The following RANBP2 variants were observed in gnomAD, a reference collection of about 807,000 sequenced individuals.
RANBP2 encodes RAN binding protein 2, also known as E3 SUMO-protein ligase RanBP2.
Under a neutral mutation model 303.6 loss-of-function variants are expected in RANBP2, and 57 were observed. The ratio of observed to expected loss-of-function variants is 0.19; its 90% CI spans 0.15 to 0.23. The LOEUF (loss-of-function observed/expected upper bound fraction) is 0.23. Ranked by LOEUF, RANBP2 falls within the 10% of genes least tolerant of loss-of-function variation. RANBP2 has a pLI of 1.00. For synonymous variants in RANBP2, 1,167 were observed against 1,301.5 expected, an observed-to-expected ratio of 0.90 and a Z score of 2.23; for missense variants, 3,138 against 3,780.8, an observed-to-expected ratio of 0.83 and a Z score of 4.46.
the RANBP2 span, among the ~76,000 whole-genome samples, chr2:109,148,908 C>T: frequency 1.3e-4 from 20 of 152,010 alleles, no homozygotes; most frequent in East Asian, 2.9e-3. Context: ...GGTGGTTTTA[C>T]CCAAAAAAAA....
the RANBP2 span, among the ~76,000 whole-genome samples, chr2:109,117,702 T>G: frequency 6.6e-6 from 1 of 152,146 alleles, no homozygotes. Context: ...CAGATGGAAA[T>G]GCAGAAATCA....
At chr2:108,858,077 C>T in the RANBP2 span, among the ~76,000 whole-genome samples, 1 of 152,206 alleles carries the variant, frequency 6.6e-6, no homozygotes, top group African/African-American at 2.4e-5. Context: ...GGTGCAGTGG[C>T]TCATGCCTGT....
the RANBP2 span, among the ~76,000 whole-genome samples, chr2:109,651,355 G>T: frequency 1.1e-4 from 17 of 152,148 alleles, no homozygotes; most frequent in Admixed American, 6.5e-4. Context: ...AGTTCAGAAA[G>T]TACAAGTATT....
At chr2:109,455,790 C>T in the RANBP2 span, among the ~76,000 whole-genome samples, 1 of 152,236 alleles carries the variant, frequency 6.6e-6, no homozygotes, top group Non-Finnish European at 1.5e-5. Flanking sequence ...CTCATCCCAG[C>T]TTCTCCAGGT....
At chr2:109,455,996 A>G in the RANBP2 span, among the ~76,000 whole-genome samples, 6 of 152,266 alleles carry the variant, frequency 3.9e-5, no homozygotes, top group African/African-American at 1.2e-4. Context: ...CTTAGGGGAG[A>G]CCTGCCCTGC....
At chr2:109,076,379 A>C in the RANBP2 span, among the ~76,000 whole-genome samples, 2 of 150,744 alleles carry the variant, frequency 1.3e-5, no homozygotes, top group Admixed American at 6.6e-5. Context: ...TGGTCTCACC[A>C]TGTCTATTCA....
At chr2:108,842,545 A>T in the RANBP2 span, among the ~76,000 whole-genome samples, 10,953 of 152,122 alleles carry the variant, frequency 0.072, 505 homozygotes, top group South Asian at 0.15. Context: ...AAGCAAGCAG[A>T]CATGAGTTCT....
At chr2:109,269,282 C>T in the RANBP2 span, among the ~76,000 whole-genome samples, 2 of 152,162 alleles carry the variant, frequency 1.3e-5, no homozygotes, top group East Asian at 3.9e-4. Flanking sequence ...AAGGGACTGC[C>T]ACCAAACAAG....
the RANBP2 span, among the ~76,000 whole-genome samples, chr2:108,962,547 C>A: frequency 6.6e-6 from 1 of 151,586 alleles, no homozygotes; most frequent in East Asian, 1.9e-4. Flanking sequence ...TGGTGGCGGG[C>A]GCCTGTAGTC....
chr2:108,796,574 A>G, the RANBP2 span, among the ~76,000 whole-genome samples: 3 of 152,210 alleles, frequency 2.0e-5, no homozygotes, highest in African/African-American at 7.2e-5. Flanking sequence ...ATATGGAGTC[A>G]GTCTCAGTGT....
At chr2:109,218,921 C>T in the RANBP2 span, among the ~76,000 whole-genome samples, 1 of 152,316 alleles carries the variant, frequency 6.6e-6, no homozygotes, top group East Asian at 1.9e-4. Context: ...GAGAGCCCTG[C>T]CTTCCCTGCA....
At chr2:109,071,723 C>T in the RANBP2 span, among the ~76,000 whole-genome samples, 2 of 150,814 alleles carry the variant, frequency 1.3e-5, no homozygotes, top group Non-Finnish European at 2.9e-5. Flanking sequence ...AGTTGGATAA[C>T]AGTCTTGAGT....
chr2:109,016,812 G>T, the RANBP2 span, among the ~76,000 whole-genome samples: 1 of 152,154 alleles, frequency 6.6e-6, no homozygotes, highest in Non-Finnish European at 1.5e-5. Context: ...GTTTTATTTG[G>T]CGTAATTGTG....
At chr2:109,754,825 T>A in the RANBP2 span, among the ~76,000 whole-genome samples, 1 of 4,146 alleles carries the variant, frequency 2.4e-4, no homozygotes, top group East Asian at 6.2e-3. Context: ...GACTTTAGGA[T>A]TAGTATTGCC....
At chr2:108,796,822 G>A in the RANBP2 span, among the ~76,000 whole-genome samples, 2 of 152,092 alleles carry the variant, frequency 1.3e-5, no homozygotes, top group African/African-American at 4.8e-5. Context: ...AGGCTGGGAG[G>A]GGAAGGGTAG....
At chr2:109,586,225 G>C in the RANBP2 span, among the ~76,000 whole-genome samples, 3 of 152,126 alleles carry the variant, frequency 2.0e-5, no homozygotes, top group African/African-American at 7.2e-5. Flanking sequence ...CAAAACAAAA[G>C]TACAGATACA....
chr2:109,389,563 A>G, the RANBP2 span, among the ~76,000 whole-genome samples: 1 of 152,196 alleles, frequency 6.6e-6, no homozygotes, highest in Non-Finnish European at 1.5e-5. Context: ...TTTGAAAACC[A>G]CTGCTCTAAG....
the RANBP2 span, chr2:109,503,707 T>A: frequency 6.6e-6 from 1 of 152,150 alleles, no homozygotes; most frequent in Non-Finnish European, 1.5e-5. Flanking sequence ...CCAGACCAAG[T>A]CAAGTCTCCA....
At chr2:108,733,613 C>A (rs1695348898) in intron 4 of RANBP2, among the ~76,000 whole-genome samples, 1 of 152,146 alleles carries the variant, frequency 6.6e-6, no homozygotes, top group Non-Finnish European at 1.5e-5. Flanking sequence ...AAATATTAAT[C>A]TAAAACGTGA....
Sources: gnomAD v4.1 joint callset for allele counts (sites outside exome capture counted in the v4.1 genomes callset) on GRCh38, gnomAD v4.1.1 for gene constraint, MANE v1.5 for transcripts, NCBI Gene and HGNC (gene_info 2026-07-23, HGNC 2026-07-21) for gene names.